MOGAT2: variants seen among roughly 807,000 people sequenced by gnomAD.
MOGAT2 encodes the protein 2-acylglycerol O-acyltransferase 2.
In MOGAT2, 27 loss-of-function variants were observed where a neutral mutation model predicts 31.5. The ratio of observed to expected loss-of-function variants is 0.86; its 90% CI spans 0.63 to 1.18. The LOEUF (loss-of-function observed/expected upper bound fraction) is 1.18. Ranked by LOEUF, MOGAT2 falls within the 50% of genes most tolerant of loss-of-function variation. The pLI is 0.00. For missense variants in MOGAT2, 436 were observed against 433.2 expected, an observed-to-expected ratio of 1.01 and a Z score of -0.06; for synonymous variants, 163 against 170.0, an observed-to-expected ratio of 0.96 and a Z score of 0.32.
At position 75,727,509 on chromosome 11, in the gene MOGAT2, C is replaced by T. The variant is rs201043690; in HGVS notation, c.345C>T (p.Val115=). Residue 115 remains valine (V), a synonymous_variant, in exon 3 of 6, where the codon GTC becomes GTT. Transcript: ENST00000198801. ...TCCACCCCCATGGAGTCCTGGCAGT[C>T]GGAGCCTTTGCCAACCTGTGCACTG... ...AGFHPHGVLA[V]GAFANLCTES... is the part of the protein sequence containing the mutation. 34 of 1,614,146 alleles carry T rather than the reference C, an allele frequency of 2.1e-5. No individual in the cohort carries two copies. The Admixed American group carries it at 3.3e-4, about 16-fold the overall frequency.
chr11:75,722,361 G>A (rs1944383337), intron 2 of MOGAT2, among the ~76,000 whole-genome samples: 1 of 152,172 alleles, frequency 6.6e-6, no homozygotes, highest in Non-Finnish European at 1.5e-5. Flanking sequence ...GGCCAGCCTG[G>A]GGACGTGTGT....
chr11:75,727,680 A>G lies in MOGAT2; in HGVS notation c.475+41A>G, dbSNP rs762902575. 8.9e-6 allele frequency: 14 copies of G among 1,576,224 alleles called. No homozygotes were observed. In the South Asian group the frequency reaches 1.5e-4, roughly 17 times the overall value. On this transcript the variant is annotated intron_variant, in intron 3 of 5. Transcript: ENST00000198801. Reference sequence around the variant, plus strand: ...CCTGAGCAGCTCAGGAAGGTAACAAATTTTCGGAAGGGTTGCCAATAGTTC... The same window carrying G: ...CCTGAGCAGCTCAGGAAGGTAACAAGTTTTCGGAAGGGTTGCCAATAGTTC...
chr11:75,728,801 T>A lies in MOGAT2; in HGVS notation c.662T>A (p.Val221Glu). 6.2e-7 allele frequency: 1 copy of A among 1,614,132 alleles called. No individual in the cohort carries two copies. The highest frequency in any genetic ancestry group is 8.5e-7 in the Non-Finnish European group (1 of 1,180,012). The change falls in exon 5 of 6, where the codon GTG becomes GAG. Residue 221 changes from valine (V) to glutamate (E), a missense_variant. By Grantham distance (121) the Val-to-Glu change is moderately radical. Coordinates refer to ENST00000198801, the MANE Select transcript of MOGAT2 (RefSeq NM_025098.4). ...CTATTTGTCTCCAGGGCACCCCTGG[T>A]GCCAATCTTCTCCTTCGGGGAGAAT... ...RLALTHGAPL[V>E]PIFSFGENDL... is the part of the protein sequence containing the mutation.
intron 4 of MOGAT2, 89 bp downstream of exon 4, chr11:75,728,233 G>C (rs1314578936): frequency 7.2e-7 from 1 of 1,380,722 alleles, no homozygotes; most frequent in Non-Finnish European, 1.0e-6. Context: ...GACGAATGCA[G>C]ATTCTATTTT....
At chr11:75,729,038 G>A in intron 5 of MOGAT2, 49 bp downstream of exon 5, 1 of 1,578,886 alleles carries the variant, frequency 6.3e-7, no homozygotes, top group South Asian at 1.1e-5. Context: ...GGACAGGGCA[G>A]GTTGTGTGCT....
intron 5 of MOGAT2, among the ~76,000 whole-genome samples, chr11:75,729,753 G>GT (rs1565302434): frequency 1.0e-4 from 13 of 129,692 alleles, no homozygotes; most frequent in East Asian, 7.1e-4. Flanking sequence ...TTTTTTTTTT[G>GT]TTTTTTTTTG....
intron 2 of MOGAT2, among the ~76,000 whole-genome samples, chr11:75,726,696 ATT>A (rs1186269725): frequency 0.056 from 6,892 of 122,906 alleles, 389 homozygotes; most frequent in African/African-American, 0.2. Context: ...AGGAACATTG[ATT>A]TTTTTTTTTT....
Position 75,731,372 on chromosome 11 carries a change from T to C in MOGAT2, c.*86T>C, listed in dbSNP as rs1468289995. ...CCTGGAGGTGTTTGTTGAACATATCTGCAGAGCCTTCCCAGACTCCTGCAA... is the reference window on the plus strand; with the variant it reads ...CCTGGAGGTGTTTGTTGAACATATCCGCAGAGCCTTCCCAGACTCCTGCAA... On this transcript the variant is annotated 3_prime_UTR_variant, in exon 6 of 6. Transcript: ENST00000198801. 2 of 1,478,202 alleles carry C rather than the reference T, an allele frequency of 1.4e-6. No individual in the cohort carries two copies. Among genetic ancestry groups the C allele is most frequent in the African/African-American group, 2.8e-5 (2 of 71,050 alleles). 91.6% of individuals were successfully genotyped at this position (1,478,202 alleles called of 1,614,324 possible).
At chr11:75,727,003 T>C (rs1471453051) in intron 2 of MOGAT2, among the ~76,000 whole-genome samples, 1 of 152,148 alleles carries the variant, frequency 6.6e-6, no homozygotes, top group African/African-American at 2.4e-5. Context: ...ACACTGTTTT[T>C]CTTAAAATGG....
rs1944493349 is a variant in MOGAT2, at chr11:75,732,595, T to C, written c.*1309T>C. 1 of 152,260 alleles carries C rather than the reference T, an allele frequency of 6.6e-6. No homozygotes were observed. Among genetic ancestry groups the C allele is most frequent in the Non-Finnish European group, 1.5e-5 (1 of 68,102 alleles). 9.4% of individuals were successfully genotyped at this position (152,260 alleles called of 1,614,324 possible). A position where few individuals can be genotyped will look rare whatever the true frequency, so the allele number is the denominator to read the frequency against. On this transcript the variant is annotated 3_prime_UTR_variant, in exon 6 of 6. Transcript: ENST00000198801. ...CCGTGCTCCCATCACTCGGAACCAT[T>C]TGCATTTCTTTGTCTCAGCTATATT...
Position 75,731,426 on chromosome 11 carries a change from A to AG in MOGAT2, c.*141dup. The AG allele has an allele frequency of 1.0e-6, 1 of 972,028 alleles. No individual in the cohort carries two copies. Among genetic ancestry groups the AG allele is most frequent in the Non-Finnish European group, 1.4e-6 (1 of 697,066 alleles). 60.2% of individuals were successfully genotyped at this position (972,028 alleles called of 1,614,324 possible). On this transcript the variant is annotated 3_prime_UTR_variant, in exon 6 of 6. Coordinates refer to ENST00000198801, the MANE Select transcript of MOGAT2 (RefSeq NM_025098.4). ...CAACCCATATCAGGCTGTAAGTCAG[A>AG]GCAGGCAATGCAGAAGAGGAGACCA...
chr11:75,730,445 G>A (rs143648583), intron 5 of MOGAT2, among the ~76,000 whole-genome samples: 72 of 152,316 alleles, frequency 4.7e-4, no homozygotes, highest in African/African-American at 1.7e-3. Context: ...GCACATCCCT[G>A]GGGTCTAAAA....
intron 5 of MOGAT2, 167 bp from the exon 6 acceptor site, chr11:75,730,965 T>C (rs1944473475): frequency 4.9e-6 from 2 of 411,280 alleles, no homozygotes; most frequent in Non-Finnish European, 8.4e-6. Flanking sequence ...AATCCAGCCG[T>C]TGTTATTATA....
chr11:75,728,892 G>C lies in MOGAT2; in HGVS notation c.753G>C (p.Gln251His), dbSNP rs761657918. The C allele has an allele frequency of 2.5e-6, 4 of 1,614,194 alleles. No homozygotes were observed. The highest frequency in any genetic ancestry group is 3.4e-6 in the Non-Finnish European group (4 of 1,180,034). ...TACGCTATATCCAGAATCGGTTGCA[G>C]AAGATCATGGGCATCTCCCTCCCAC... ...SWLRYIQNRL[Q>H]KIMGISLPLF... The change falls in exon 5 of 6, where the codon CAG (glutamine) becomes CAC (histidine). Residue 251 changes from glutamine (Q) to histidine (H), a missense_variant. Physicochemically the swap from Gln to His is conservative, Grantham distance 24 (BLOSUM62 0). Transcript: ENST00000198801.
chr11:75,725,040 A>T (rs550023691), intron 2 of MOGAT2, among the ~76,000 whole-genome samples: 1 of 152,340 alleles, frequency 6.6e-6, no homozygotes, highest in African/African-American at 2.4e-5. Flanking sequence ...TGCTTCTGTG[A>T]ATAACCTTGT....
chr11:75,721,373 C>T (rs1944375289), intron 2 of MOGAT2, among the ~76,000 whole-genome samples: 1 of 152,042 alleles, frequency 6.6e-6, no homozygotes, highest in Non-Finnish European at 1.5e-5. Context: ...ACCTCCACCT[C>T]CCAGGTTCAA....
rs369300429 is a variant in MOGAT2 at position 75,729,029 on chromosome 11, G to C, written c.850+40G>C. ...AGGCTGGGAGGGAGGAGGCCAAAGGGACAGGGCAGGTTGTGTGCTGCAAGG... is the reference window on the plus strand; with the variant it reads ...AGGCTGGGAGGGAGGAGGCCAAAGGCACAGGGCAGGTTGTGTGCTGCAAGG... On this transcript the variant is annotated intron_variant, in intron 5 of 5. Coordinates refer to ENST00000198801, the MANE Select transcript of MOGAT2 (RefSeq NM_025098.4). The C allele has an allele frequency of 6.9e-6, 11 of 1,598,470 alleles. No homozygotes were observed. In the African/African-American group the frequency reaches 1.3e-4, roughly 20 times the overall value.
rs756984366 is a variant in MOGAT2, at chr11:75,731,194, C to T, written c.913C>T (p.His305Tyr). ...HPSEEEVNQL[H>Y]QRYIKELCNL... ...CTCGGAGGAGGAGGTGAACCAGCTG[C>T]ACCAGCGTTATATCAAAGAGCTGTG... The change falls in exon 6 of 6, where the codon CAC becomes TAC. Residue 305 changes from histidine to tyrosine, a missense_variant. By Grantham distance (83) the His-to-Tyr change is moderately conservative. Coordinates refer to ENST00000198801, the MANE Select transcript of MOGAT2 (RefSeq NM_025098.4). The T allele has an allele frequency of 9.3e-6, 15 of 1,614,110 alleles. No homozygotes were observed. The Admixed American group carries it at 1.2e-4, about 13-fold the overall frequency.
intron 1 of MOGAT2, among the ~76,000 whole-genome samples, chr11:75,719,160 G>C (rs1944355596): frequency 6.6e-6 from 1 of 152,160 alleles, no homozygotes; most frequent in African/African-American, 2.4e-5. Flanking sequence ...TACCCCCTTT[G>C]CACAGATGAG....
Sources: gnomAD v4.1 joint callset for allele counts (sites outside exome capture counted in the v4.1 genomes callset) on GRCh38, gnomAD v4.1.1 for gene constraint, MANE v1.5 for transcripts, NCBI Gene and HGNC (gene_info 2026-07-23, HGNC 2026-07-21) for gene names.